Variants in KDM4C observed in about 807,000 individuals in gnomAD.
KDM4C encodes lysine demethylase 4C.
KDM4C carries 81 observed loss-of-function variants against 129.3 expected under a neutral mutation model. The observed-to-expected ratio is 0.63, with a 90% CI of 0.52 to 0.75. KDM4C has a LOEUF of 0.75. Ranked by LOEUF, KDM4C falls within the 30% of genes least tolerant of loss-of-function variation. The pLI is 0.00. For synonymous variants in KDM4C, 573 were observed against 456.1 expected (o/e 1.26, Z -3.26); for missense variants, 1,457 against 1,304.0 (o/e 1.12, Z -1.81).
chr9:7,040,431 T>C (rs921048654), intron 15 of KDM4C, among the ~76,000 whole-genome samples: 2 of 149,418 alleles, frequency 1.3e-5, no homozygotes, highest in Admixed American at 6.7e-5. Context: ...GTGTGTCTGT[T>C]TGTTGAAGAT....
chr9:6,842,616 G>A (rs993052709), intron 4 of KDM4C, among the ~76,000 whole-genome samples: 5 of 151,822 alleles, frequency 3.3e-5, no homozygotes, highest in South Asian at 2.1e-4. Context: ...GATTACGGAC[G>A]TGAGCTACTG....
At chr9:6,776,978 C>T (rs1453560332) in intron 1 of KDM4C, among the ~76,000 whole-genome samples, 1 of 152,166 alleles carries the variant, frequency 6.6e-6, no homozygotes, top group Non-Finnish European at 1.5e-5. Context: ...TCCTATAGCA[C>T]TTAGGTTTGT....
intron 1 of KDM4C, among the ~76,000 whole-genome samples, chr9:6,732,364 CAAAAAAAAAAAAAAAAAAAAAA>C (rs66904997): frequency 1.3e-4 from 4 of 29,978 alleles, no homozygotes; most frequent in Admixed American, 1.1e-3. Context: ...GACTCTGTCT[CAAAAAAAAAAAAAAAAAAAAAA>C]AAAAAAAAAA....
chr9:6,742,966 G>C (rs966526749), intron 1 of KDM4C, among the ~76,000 whole-genome samples: 1 of 152,032 alleles, frequency 6.6e-6, no homozygotes, highest in African/African-American at 2.4e-5. Flanking sequence ...AGCCAAGATT[G>C]TGCCATTGCA....
chr9:7,029,200 CTGCAGGCTAT>C (rs1266974598), intron 15 of KDM4C, among the ~76,000 whole-genome samples: 2 of 151,984 alleles, frequency 1.3e-5, no homozygotes, highest in Non-Finnish European at 2.9e-5. Flanking sequence ...TCAGTTTCTC[CTGCAGGCTAT>C]TGCTAATTTA....
chr9:7,108,089 G>T (rs759396868), intron 18 of KDM4C, among the ~76,000 whole-genome samples: 16 of 152,164 alleles, frequency 1.1e-4, no homozygotes, highest in Admixed American at 7.2e-4. Flanking sequence ...AGCAGGGTGG[G>T]TAGGGTGGCT....
At chr9:6,894,916 A>G (rs999030203) in intron 8 of KDM4C, among the ~76,000 whole-genome samples, 1 of 152,110 alleles carries the variant, frequency 6.6e-6, no homozygotes. Flanking sequence ...ATACCTCTCT[A>G]CCCTATGGGT....
intron 1 of KDM4C, chr9:6,734,569 C>T (rs1419734116): frequency 9.5e-6 from 2 of 211,218 alleles, no homozygotes; most frequent in Non-Finnish European, 1.9e-5. Context: ...GCTGGGATTA[C>T]AGGAGTGTGT....
chr9:6,872,913 C>A (rs368585215), intron 5 of KDM4C, among the ~76,000 whole-genome samples: 39 of 152,262 alleles, frequency 2.6e-4, no homozygotes, highest in East Asian at 5.8e-4. Flanking sequence ...TAGAGTTCTA[C>A]CTGTCCTTTG....
At chr9:7,141,674 T>A (rs994983006) in intron 19 of KDM4C, among the ~76,000 whole-genome samples, 3 of 152,178 alleles carry the variant, frequency 2.0e-5, no homozygotes, top group Non-Finnish European at 4.4e-5. Context: ...GATGATGAGT[T>A]CAGACTTGGT....
intron 8 of KDM4C, among the ~76,000 whole-genome samples, chr9:6,902,932 T>C (rs1327732142): frequency 6.6e-6 from 1 of 152,214 alleles, no homozygotes; most frequent in Non-Finnish European, 1.5e-5. Context: ...CTGTTGCTTA[T>C]ATCTTCAGAA....
intron 8 of KDM4C, among the ~76,000 whole-genome samples, chr9:6,957,151 A>G (rs1323648837): frequency 6.6e-6 from 1 of 152,228 alleles, no homozygotes; most frequent in Non-Finnish European, 1.5e-5. Flanking sequence ...TGACTCTGGC[A>G]TAAGCTGTTT....
intron 8 of KDM4C, among the ~76,000 whole-genome samples, chr9:6,905,336 C>T (rs1000553359): frequency 2.6e-5 from 4 of 152,060 alleles, no homozygotes; most frequent in African/African-American, 7.2e-5. Context: ...AAACTCTTCT[C>T]GGTTGTATAA....
chr9:6,920,916 C>T (rs1394177136), intron 8 of KDM4C, among the ~76,000 whole-genome samples: 1 of 152,138 alleles, frequency 6.6e-6, no homozygotes, highest in Non-Finnish European at 1.5e-5. Context: ...TTTGAGGTAT[C>T]AGTTTTCTGA....
rs1163459790 is a variant in KDM4C at position 6,761,103 on chromosome 9, A to G, written c.-18+2900A>G. Among the ~76,000 whole-genome samples, 3 of 140,594 alleles carry G rather than the reference A, an allele frequency of 2.1e-5. No individual in the cohort carries two copies. In the Admixed American group the frequency reaches 2.2e-4, roughly 11 times the overall value. The allele number at this position is 140,594 out of a possible 152,430, so 92.2% of individuals were successfully genotyped here. A position where few individuals can be genotyped will look rare whatever the true frequency, so the allele number is the denominator to read the frequency against. ...CGGCTCACTGCAACCTCTATCTCCC[A>G]GGTTCAGGCGATTCTCCTGCCTCAG... On this transcript the variant is annotated intron_variant, in intron 1 of 21. Coordinates refer to ENST00000381309, the MANE Select transcript of KDM4C (RefSeq NM_015061.6).
intron 8 of KDM4C, among the ~76,000 whole-genome samples, chr9:6,910,889 T>G (rs1819177881): frequency 6.6e-6 from 1 of 152,232 alleles, no homozygotes; most frequent in South Asian, 2.1e-4. Flanking sequence ...TTAAAAATGA[T>G]GTGGAGGTAC....
chr9:7,090,385 A>G (rs773413617), intron 17 of KDM4C, among the ~76,000 whole-genome samples: 1 of 152,208 alleles, frequency 6.6e-6, no homozygotes, highest in Non-Finnish European at 1.5e-5. Context: ...CAGGGAGGGT[A>G]GGCATTCTTG....
chr9:7,088,420 C>T (rs1179518252), intron 17 of KDM4C, among the ~76,000 whole-genome samples: 3 of 152,138 alleles, frequency 2.0e-5, no homozygotes, highest in Admixed American at 6.5e-5. Context: ...TTTTTCTATA[C>T]TAGTATTGAC....
chr9:6,786,086 C>G (rs932854638), intron 1 of KDM4C, among the ~76,000 whole-genome samples: 2 of 152,150 alleles, frequency 1.3e-5, no homozygotes, highest in Admixed American at 6.5e-5. Context: ...AACTAATACA[C>G]AATGAGAGCT....
Sources: gnomAD v4.1 joint callset for allele counts (sites outside exome capture counted in the v4.1 genomes callset) on GRCh38, gnomAD v4.1.1 for gene constraint, MANE v1.5 for transcripts, NCBI Gene and HGNC (gene_info 2026-07-23, HGNC 2026-07-21) for gene names.